NTN4: variants seen among roughly 807,000 people sequenced by gnomAD.
NTN4 encodes netrin 4.
NTN4 carries 32 observed loss-of-function variants against 73.6 expected under a neutral mutation model. That is an observed-to-expected ratio of 0.44 (90% CI 0.33 to 0.58). The LOEUF is 0.58. Among genes scored for constraint, NTN4 ranks in the 20% least tolerant of loss-of-function variants. The pLI, the probability that NTN4 is intolerant of heterozygous loss-of-function variation, is 0.04. For synonymous variants in NTN4, 258 were observed against 287.5 expected (o/e 0.90, Z 1.04); for missense variants, 654 against 798.3 (o/e 0.82, Z 2.18).
chr12:95,725,240 C>G (rs535627412), intron 3 of NTN4, among the ~76,000 whole-genome samples: 1 of 151,922 alleles, frequency 6.6e-6, no homozygotes, highest in Non-Finnish European at 1.5e-5. Flanking sequence ...AAGCAAAAAA[C>G]GAGTAGAACT....
In NTN4 at chr12:95,659,212, G is replaced by T; in HGVS notation, c.1761C>A (p.Tyr587Ter). Residue 587 changes from tyrosine to a stop codon, truncating the protein, a stop_gained, in exon 10 of 10, where the codon TAC becomes TAA. Coordinates refer to ENST00000343702, the MANE Select transcript of NTN4 (RefSeq NM_021229.4). LOFTEE classifies it high-confidence loss of function. ...TCPILNPGLE[Y>*]LVAGHEDIRT... Reference sequence around the variant, plus strand: ...TTATATCCTCATGTCCTGCTACAAGGTATTCCAAACCTAAAAAAGAACAAA... The same window carrying T: ...TTATATCCTCATGTCCTGCTACAAGTTATTCCAAACCTAAAAAAGAACAAA... 1 of 1,611,076 alleles carries T rather than the reference G, an allele frequency of 6.2e-7. No individual in the cohort carries two copies. Among genetic ancestry groups the T allele is most frequent in the Non-Finnish European group, 8.5e-7 (1 of 1,179,032 alleles).
At chr12:95,671,435 A>G (rs1464600800) in intron 7 of NTN4, among the ~76,000 whole-genome samples, 1 of 152,148 alleles carries the variant, frequency 6.6e-6, no homozygotes, top group East Asian at 1.9e-4. Flanking sequence ...CTGAATTTAC[A>G]GCCACTTCCC....
chr12:95,668,070 A>G (rs1005092897), intron 8 of NTN4, among the ~76,000 whole-genome samples: 2 of 151,790 alleles, frequency 1.3e-5, no homozygotes, highest in Non-Finnish European at 2.9e-5. Context: ...AAGCTAAAAG[A>G]GAGCAGGGAC....
intron 5 of NTN4, among the ~76,000 whole-genome samples, chr12:95,689,292 C>T (rs937970330): frequency 2.6e-5 from 4 of 152,228 alleles, no homozygotes; most frequent in African/African-American, 4.8e-5. Flanking sequence ...AATGTGGTCA[C>T]TCCTTAGCCA....
chr12:95,714,390 TA>T (rs1592681029), intron 3 of NTN4, among the ~76,000 whole-genome samples: 1 of 152,108 alleles, frequency 6.6e-6, no homozygotes, highest in Non-Finnish European at 1.5e-5. Flanking sequence ...AGAGGTTTTA[TA>T]TTTTTTCCTT....
chr12:95,773,096 G>A (rs904842707), intron 2 of NTN4, among the ~76,000 whole-genome samples: 23 of 151,106 alleles, frequency 1.5e-4, no homozygotes, highest in South Asian at 6.3e-4. Context: ...TCCGCCCTCC[G>A]GGGTTCACGT....
At chr12:95,664,457 T>G (rs972035473) in intron 9 of NTN4, among the ~76,000 whole-genome samples, 3 of 152,170 alleles carry the variant, frequency 2.0e-5, no homozygotes, top group African/African-American at 7.2e-5. Context: ...GAAAAGGATG[T>G]GAGAGATTGG....
In NTN4 at chr12:95,658,291, T is replaced by C. The variant is rs2078107399; in HGVS notation, c.*795A>G. On this transcript the variant is annotated 3_prime_UTR_variant, in exon 10 of 10. Coordinates refer to ENST00000343702, the MANE Select transcript of NTN4 (RefSeq NM_021229.4). ...TTCTTTCTCTTATTTTAAAGTCTCTTCTGGTTTAGTTTTTTAAAAAGTTTC... is the reference window on the plus strand; with the variant it reads ...TTCTTTCTCTTATTTTAAAGTCTCTCCTGGTTTAGTTTTTTAAAAAGTTTC... The C allele has an allele frequency of 6.6e-6, 1 of 152,180 alleles. No homozygotes were observed. Among genetic ancestry groups the C allele is most frequent in the South Asian group, 2.1e-4 (1 of 4,834 alleles). The allele number at this position is 152,180 out of a possible 1,614,324, so 9.4% of individuals were successfully genotyped here. A position where few individuals can be genotyped will look rare whatever the true frequency, so the allele number is the denominator to read the frequency against.
chr12:95,721,419 T>G (rs2078646955), intron 3 of NTN4, among the ~76,000 whole-genome samples: 1 of 152,186 alleles, frequency 6.6e-6, no homozygotes, highest in Admixed American at 6.5e-5. Flanking sequence ...TTTTTGATCT[T>G]CACTGGTTCT....
At chr12:95,712,098 C>T (rs1452333011) in intron 4 of NTN4, among the ~76,000 whole-genome samples, 1 of 152,158 alleles carries the variant, frequency 6.6e-6, no homozygotes, top group Admixed American at 6.5e-5. Flanking sequence ...ACAGAACCTG[C>T]TTTTAAATTC....
chr12:95,764,153 G>A (rs1186739890), intron 2 of NTN4, among the ~76,000 whole-genome samples: 1 of 152,208 alleles, frequency 6.6e-6, no homozygotes, highest in East Asian at 1.9e-4. Context: ...TAGAAGGGTG[G>A]GGTTGTGGAG....
At chr12:95,675,135 CTTG>C (rs1444108596) in intron 7 of NTN4, among the ~76,000 whole-genome samples, 1 of 152,126 alleles carries the variant, frequency 6.6e-6, no homozygotes, top group Non-Finnish European at 1.5e-5. Flanking sequence ...ATAGTAAAGA[CTTG>C]TTTTCTTTTT....
intron 3 of NTN4, among the ~76,000 whole-genome samples, chr12:95,718,035 G>A (rs1333344021): frequency 1.5e-4 from 23 of 152,126 alleles, no homozygotes. Context: ...TATCTTACAG[G>A]AAGGGACTCA....
intron 3 of NTN4, among the ~76,000 whole-genome samples, chr12:95,734,802 G>A (rs2078763071): frequency 6.6e-6 from 1 of 152,198 alleles, no homozygotes; most frequent in South Asian, 2.1e-4. Flanking sequence ...CACTTTGGGA[G>A]GCTGAGGCGG....
chr12:95,776,946 G>C (rs2079097649), intron 2 of NTN4, among the ~76,000 whole-genome samples: 1 of 152,202 alleles, frequency 6.6e-6, no homozygotes. Flanking sequence ...AAGTCCATCA[G>C]AGTAACAGCT....
At chr12:95,709,571 T>C (rs1206843613) in intron 5 of NTN4, among the ~76,000 whole-genome samples, 1 of 150,672 alleles carries the variant, frequency 6.6e-6, no homozygotes, top group Non-Finnish European at 1.5e-5. Flanking sequence ...TTTGGCTCTA[T>C]TGCTCAGGCT....
At chr12:95,738,215 G>C in intron 2 of NTN4, 71 bp from the exon 3 acceptor site, 4 of 1,375,868 alleles carry the variant, frequency 2.9e-6, no homozygotes, top group Non-Finnish European at 4.0e-6. Flanking sequence ...GCCTAATGTA[G>C]TCCCTGTTTG....
At chr12:95,761,536 T>C (rs2078987742) in intron 2 of NTN4, among the ~76,000 whole-genome samples, 1 of 152,138 alleles carries the variant, frequency 6.6e-6, no homozygotes, top group African/African-American at 2.4e-5. Context: ...TTTCACCATG[T>C]TGGCCAGGCT....
chr12:95,671,664 C>T (rs1006241175), intron 7 of NTN4, among the ~76,000 whole-genome samples: 1 of 152,094 alleles, frequency 6.6e-6, no homozygotes, highest in Non-Finnish European at 1.5e-5. Context: ...TCCATGAAAC[C>T]GCTCCCTGGT....
Sources: allele counts gnomAD v4.1 joint callset (sites outside exome capture counted in the v4.1 genomes callset), GRCh38; gene constraint gnomAD v4.1.1; transcripts MANE v1.5; gene names NCBI Gene and HGNC (gene_info 2026-07-23, HGNC 2026-07-21).